The following TRIM66 variants were observed in gnomAD, a reference collection of about 807,000 sequenced individuals.
TRIM66 encodes the protein tripartite motif-containing protein 66.
Under a neutral mutation model 148.2 loss-of-function variants are expected in TRIM66, and 99 were observed. That is an observed-to-expected ratio of 0.67 (90% CI 0.57 to 0.79). TRIM66 has a LOEUF of 0.79. Ranked by LOEUF, TRIM66 falls within the 30% of genes least tolerant of loss-of-function variation. The pLI is 0.00. For synonymous variants in TRIM66, 616 were observed against 635.9 expected, an observed-to-expected ratio of 0.97 and a Z score of 0.47; for missense variants, 1,666 against 1,697.9, an observed-to-expected ratio of 0.98 and a Z score of 0.33.
rs2034698285 is a variant in TRIM66 at position 8,625,175 on chromosome 11, C to T, written c.2364G>A (p.Leu788=). Residue 788 remains leucine (L), a synonymous_variant, in exon 16 of 25, where the codon TTG becomes TTA. Transcript: ENST00000646038. The part of the protein sequence containing the change: ...MGFSNTLEME[L]SSTRLERPLE... The stretch of plus-strand genomic sequence containing the variant: ...GGGGCCTCTCCAACCTGGTAGATGA[C>T]AACTCCATCTCCAGAGTGTTGGAAA... The T allele has an allele frequency of 6.5e-7, 1 of 1,537,660 alleles. No individual in the cohort carries two copies. The highest frequency in any genetic ancestry group is 8.8e-7 in the Non-Finnish European group (1 of 1,138,844).
At position 8,665,658 on chromosome 11, in the gene TRIM66, G is replaced by A. The variant is rs530057729; in HGVS notation, c.340+6128C>T. Reference sequence around the variant, plus strand: ...CCACATAGGGTCCTAATAGTTCCAAGTAATAAAGAGGAAGTTAAGCCAGGC... The same window carrying A: ...CCACATAGGGTCCTAATAGTTCCAAATAATAAAGAGGAAGTTAAGCCAGGC... On this transcript the variant is annotated intron_variant, in intron 6 of 24. Transcript: ENST00000646038. Among the ~76,000 whole-genome samples the A allele has an allele frequency of 2.0e-5, 3 of 152,238 alleles. No homozygotes were observed. In the South Asian group the frequency reaches 6.2e-4, roughly 32 times the overall value.
chr11:8,671,368 G>A (rs575289538), intron 6 of TRIM66, among the ~76,000 whole-genome samples: 5 of 152,190 alleles, frequency 3.3e-5, no homozygotes, highest in Non-Finnish European at 7.4e-5. Flanking sequence ...TCCCTGCTGG[G>A]CAGCAGCTTA....
chr11:8,679,655 C>T lies in TRIM66; in HGVS notation c.-225G>A, dbSNP rs1411346928. The T allele has an allele frequency of 6.5e-6, 1 of 152,740 alleles. No homozygotes were observed. Among genetic ancestry groups the T allele is most frequent in the Admixed American group, 6.5e-5 (1 of 15,282 alleles). 9.5% of individuals were successfully genotyped at this position (152,740 alleles called of 1,614,324 possible). A position where few individuals can be genotyped will look rare whatever the true frequency, so the allele number is the denominator to read the frequency against. ...AGATCATCTTCCCAAGGTTAGGTTC[C>T]AGGTAACCCAGCTCATTTCTTGTGC... On this transcript the variant is annotated 5_prime_UTR_variant, in exon 3 of 25. The change creates a premature stop within an existing upstream ORF in the 5' untranslated region. Transcript: ENST00000646038.
chr11:8,671,826 C>T lies in TRIM66; in HGVS notation c.300G>A (p.Glu100=), dbSNP rs1565575565. 1.3e-6 allele frequency: 2 copies of T among 1,523,044 alleles called. No individual in the cohort carries two copies. Among genetic ancestry groups the T allele is most frequent in the Middle Eastern group, 1.7e-4 (1 of 5,966 alleles). The allele number at this position is 1,523,044 out of a possible 1,614,324, so 94.3% of individuals were successfully genotyped here. A position where few individuals can be genotyped will look rare whatever the true frequency, so the allele number is the denominator to read the frequency against. ...RKDCFQGLIQ[E]LGQIAKAHET... ...CATGAGCCTTGGCAATCTGCCCTAG[C>T]TCCTGTATCAAGCCCTGGAAGCAGT... is the stretch of plus-strand genomic sequence containing the variant. The change falls in exon 6 of 25, where the codon GAG becomes GAA. Residue 100 remains glutamate (E), a synonymous_variant. Transcript: ENST00000646038.
In TRIM66 at chr11:8,619,461, G is replaced by C. The variant is rs2033989364; in HGVS notation, c.3822C>G (p.Asp1274Glu). The C allele has an allele frequency of 1.3e-6, 2 of 1,551,348 alleles. No individual in the cohort carries two copies. The highest frequency in any genetic ancestry group is 2.0e-5 in the Admixed American group (1 of 50,946). The change falls in exon 23 of 25, where the codon GAC becomes GAG. Residue 1274 changes from aspartate to glutamate, a missense_variant. Physicochemically the swap from Asp to Glu is conservative, Grantham distance 45. Coordinates refer to ENST00000646038, the MANE Select transcript of TRIM66 (RefSeq NM_001388022.1). Reference sequence around the variant, plus strand: ...CCTCTGGGGTGGTATAGTGAGCTGGGTCCTTCTTTTGCAGCTTCCTCCGGA... The same window carrying C: ...CCTCTGGGGTGGTATAGTGAGCTGGCTCCTTCTTTTGCAGCTTCCTCCGGA... ...SIIRRKLQKK[D>E]PAHYTTPEEV... is the part of the protein sequence containing the mutation.
chr11:8,652,922 G>T (rs934390019), intron 6 of TRIM66, among the ~76,000 whole-genome samples: 1 of 152,164 alleles, frequency 6.6e-6, no homozygotes, highest in Non-Finnish European at 1.5e-5. Context: ...AATGACCTTG[G>T]GCAAAACACT....
At chr11:8,666,934 C>A (rs2038638493) in intron 6 of TRIM66, among the ~76,000 whole-genome samples, 1 of 152,108 alleles carries the variant, frequency 6.6e-6, no homozygotes, top group African/African-American at 2.4e-5. Flanking sequence ...CTGAGCCTCC[C>A]GAGTAGCTGG....
intron 12 of TRIM66, among the ~76,000 whole-genome samples, chr11:8,643,334 A>ATTT (rs2036564651): frequency 7.3e-6 from 1 of 136,102 alleles, no homozygotes; most frequent in Admixed American, 7.4e-5. Context: ...TGGAACCTAC[A>ATTT]TTCTTTTTTT....
intron 13 of TRIM66, among the ~76,000 whole-genome samples, chr11:8,642,132 G>A (rs2036451096): frequency 6.6e-6 from 1 of 152,148 alleles, no homozygotes; most frequent in African/African-American, 2.4e-5. Context: ...GTAGATCTAT[G>A]GCTAACTCAG....
In TRIM66 at chr11:8,625,089, C is replaced by A; in HGVS notation, c.2450G>T (p.Ser817Ile). ...CATTTTGGGGGGAGCACTCAGCAGG[C>A]TTGGTACTGCCTGGGGGGCACCAGC... is the stretch of plus-strand genomic sequence containing the variant. ...LTAGAPQAVP[S>I]LLSAPPKMVS... The change falls in exon 16 of 25, where the codon AGC becomes ATC. Residue 817 changes from serine (S) to isoleucine (I), a missense_variant. This residue lies in a region of TRIM66 where 1,431 missense variants were observed against 1,412.4 expected (regional missense o/e 1.01). Coordinates refer to ENST00000646038, the MANE Select transcript of TRIM66 (RefSeq NM_001388022.1). 1.3e-6 allele frequency: 2 copies of A among 1,551,734 alleles called. No individual in the cohort carries two copies. The highest frequency in any genetic ancestry group is 1.7e-6 in the Non-Finnish European group (2 of 1,147,012).
intron 15 of TRIM66, among the ~76,000 whole-genome samples, chr11:8,630,366 T>G (rs901045150): frequency 2.6e-5 from 4 of 152,224 alleles, no homozygotes; most frequent in African/African-American, 9.6e-5. Flanking sequence ...GGTGAATGTG[T>G]ATTTCTAGCT....
At chr11:8,619,635 T>G in intron 22 of TRIM66, 100 bp from the exon 23 acceptor site, 1 of 1,161,900 alleles carries the variant, frequency 8.6e-7, no homozygotes, top group Non-Finnish European at 1.2e-6. Flanking sequence ...AGGTGAAATA[T>G]AAGTGAAAGA....
chr11:8,634,895 A>C (rs185153137), intron 15 of TRIM66, among the ~76,000 whole-genome samples: 2 of 152,194 alleles, frequency 1.3e-5, no homozygotes, highest in Non-Finnish European at 2.9e-5. Context: ...CTTCTGGTCC[A>C]TGACCTTCAG....
chr11:8,640,439 A>G lies in TRIM66; in HGVS notation c.1936T>C (p.Cys646Arg). Residue 646 changes from cysteine to arginine, a missense_variant, in exon 14 of 25, where the codon TGT becomes CGT. Around this residue, in one of 3 missense-constraint regions of TRIM66, gnomAD observed 1,431 missense variants for 1,412.4 expected, o/e 1.01. Transcript: ENST00000646038. ...SQHESPPGPA[C>R]SQNMDIMHHK... ...TGCATTATGTCCATGTTCTGAGAAC[A>G]GGCAGGGCCAGGAGGGCTCTCGTGC... 2 of 1,550,496 alleles carry G rather than the reference A, an allele frequency of 1.3e-6. No homozygotes were observed. Among genetic ancestry groups the G allele is most frequent in the Non-Finnish European group, 1.7e-6 (2 of 1,146,494 alleles).
chr11:8,659,018 A>T (rs1178803695), intron 6 of TRIM66, among the ~76,000 whole-genome samples: 1 of 151,832 alleles, frequency 6.6e-6, no homozygotes, highest in African/African-American at 2.4e-5. Flanking sequence ...AACTCTACCC[A>T]CCAGGAAGAT....
In TRIM66 at chr11:8,621,312, C is replaced by T. The variant is rs2034191188; in HGVS notation, c.3265G>A (p.Asp1089Asn). 1.2e-5 allele frequency: 18 copies of T among 1,549,586 alleles called. No homozygotes were observed. Among genetic ancestry groups the T allele is most frequent in the Non-Finnish European group, 1.6e-5 (18 of 1,145,708 alleles). ...GCCTGGGTGGCCTCAGACAGTCTGT[C>T]CTGGCTGACCTTGGGGAAGAAGTAA... ...SSSMSIKVSQDRLSEATQAPG... is the reference protein window; with the variant it reads ...SSSMSIKVSQNRLSEATQAPG... The change falls in exon 20 of 25, where the codon GAC becomes AAC. Residue 1089 changes from aspartate to asparagine, a missense_variant. Around this residue, in one of 3 missense-constraint regions of TRIM66, gnomAD observed 1,431 missense variants for 1,412.4 expected, o/e 1.01. Transcript: ENST00000646038.
intron 15 of TRIM66, among the ~76,000 whole-genome samples, chr11:8,625,646 C>T (rs958569995): frequency 1.3e-5 from 2 of 152,182 alleles, no homozygotes; most frequent in South Asian, 2.1e-4. Flanking sequence ...TGCCCTCTAA[C>T]TTCAAATTCC....
chr11:8,622,258 AAATT>A (rs1233908881), intron 18 of TRIM66, among the ~76,000 whole-genome samples: 1 of 149,088 alleles, frequency 6.7e-6, no homozygotes, highest in Admixed American at 6.7e-5. Context: ...GTGATCACGT[AAATT>A]AATACTTAAT....
intron 8 of TRIM66, 110 bp from the exon 9 acceptor site, chr11:8,648,658 A>G: frequency 1.5e-6 from 2 of 1,308,632 alleles, no homozygotes; most frequent in Middle Eastern, 2.4e-4. Context: ...AGAAATACAG[A>G]GCTCGGGGGA....
Sources: allele counts gnomAD v4.1 joint callset (sites outside exome capture counted in the v4.1 genomes callset), GRCh38; gene constraint gnomAD v4.1.1; regional missense constraint gnomAD v4.1.1; transcripts MANE v1.5; gene names NCBI Gene and HGNC (gene_info 2026-07-23, HGNC 2026-07-21).